The following UNC13C variants were observed in gnomAD, a reference collection of about 807,000 sequenced individuals.
The protein encoded by UNC13C is protein unc-13 homolog C.
Under a neutral mutation model 245.4 loss-of-function variants are expected in UNC13C, and 174 were observed. The observed-to-expected ratio is 0.71, with a 90% CI of 0.63 to 0.80. The LOEUF is 0.80. UNC13C is among the 30% of genes least tolerant of loss of function. The pLI is 0.00. For synonymous variants in UNC13C, 992 were observed against 895.1 expected, an observed-to-expected ratio of 1.11 and a Z score of -1.93; for missense variants, 2,829 against 2,602.9, an observed-to-expected ratio of 1.09 and a Z score of -1.89.
Position 54,264,389 on chromosome 15 carries a change from A to G in UNC13C, c.3670A>G (p.Ile1224Val). ...GTSKWSAKIT[I>V]TVVSAQGLQA... ...ATCTAAGTGGTCTGCAAAAATAACC[A>G]TTACAGGTAAAAATAAGTCTTCTTA... The change falls in exon 9 of 33, where the codon ATT becomes GTT. Residue 1224 changes from isoleucine to valine, a missense_variant. By Grantham distance (29) the Ile-to-Val change is conservative (BLOSUM62 3). Coordinates refer to ENST00000260323, the MANE Select transcript of UNC13C (RefSeq NM_001080534.3). 1 of 1,581,828 alleles carries G rather than the reference A, an allele frequency of 6.3e-7. No homozygotes were observed. Among genetic ancestry groups the G allele is most frequent in the Non-Finnish European group, 8.6e-7 (1 of 1,162,444 alleles).
intron 22 of UNC13C, among the ~76,000 whole-genome samples, chr15:54,506,006 T>G (rs970564466): frequency 2.6e-5 from 4 of 152,144 alleles, no homozygotes; most frequent in African/African-American, 9.7e-5. Context: ...GCTTGCTCTT[T>G]CTTCTTTAGA....
chr15:54,137,965 C>G (rs1043242943), intron 2 of UNC13C, among the ~76,000 whole-genome samples: 1 of 151,724 alleles, frequency 6.6e-6, no homozygotes, highest in East Asian at 1.9e-4. Flanking sequence ...ATCACTGTAT[C>G]CCTCTTAGAA....
intron 17 of UNC13C, among the ~76,000 whole-genome samples, chr15:54,349,376 AT>A (rs1331154429): frequency 6.6e-6 from 1 of 151,800 alleles, no homozygotes; most frequent in Admixed American, 6.6e-5. Flanking sequence ...AACAAGGTAA[AT>A]AAAGTAAAAA....
chr15:54,312,125 A>G (rs1371353888), intron 13 of UNC13C, among the ~76,000 whole-genome samples: 2 of 151,806 alleles, frequency 1.3e-5, no homozygotes, highest in African/African-American at 4.8e-5. Context: ...CCAACCAGAG[A>G]TAACACTATG....
At chr15:54,446,095 A>G (rs1890797278) in intron 19 of UNC13C, among the ~76,000 whole-genome samples, 1 of 152,152 alleles carries the variant, frequency 6.6e-6, no homozygotes, top group Non-Finnish European at 1.5e-5. Context: ...CAGAGATCAG[A>G]TAGTTGTAGA....
the UNC13C span, among the ~76,000 whole-genome samples, chr15:53,842,392 A>G: frequency 1.3e-5 from 2 of 152,176 alleles, no homozygotes; most frequent in African/African-American, 4.8e-5. Context: ...AATTATCTCT[A>G]CTATTCTCAA....
chr15:54,044,325 T>C, intron 2 of UNC13C: 1 of 231,178 alleles, frequency 4.3e-6, no homozygotes, highest in Non-Finnish European at 9.2e-6. Flanking sequence ...CATTCATCCC[T>C]CTATATGCTG....
At chr15:54,613,377 G>A (rs986147304) in intron 30 of UNC13C, among the ~76,000 whole-genome samples, 37 of 151,778 alleles carry the variant, frequency 2.4e-4, no homozygotes, top group Admixed American at 2.4e-3. Context: ...AATATTAATA[G>A]GAGAATGCAT....
chr15:53,951,003 C>T, the UNC13C span, among the ~76,000 whole-genome samples: 15 of 152,212 alleles, frequency 9.9e-5, no homozygotes, highest in Middle Eastern at 6.8e-3. Context: ...GTGATTCTCA[C>T]GGTGAGAAGA....
At chr15:54,350,216 T>A (rs2038951826) in intron 17 of UNC13C, among the ~76,000 whole-genome samples, 3 of 152,166 alleles carry the variant, frequency 2.0e-5, no homozygotes, top group Admixed American at 2.0e-4. Context: ...GGTCTTGATC[T>A]CCTGACCTCG....
At chr15:54,117,158 A>G (rs1466631111) in intron 2 of UNC13C, among the ~76,000 whole-genome samples, 1 of 151,904 alleles carries the variant, frequency 6.6e-6, no homozygotes, top group African/African-American at 2.4e-5. Flanking sequence ...TGAGCTCCTT[A>G]TATATTCTGA....
the UNC13C span, among the ~76,000 whole-genome samples, chr15:53,850,018 T>A: frequency 6.6e-6 from 1 of 152,312 alleles, no homozygotes; most frequent in Admixed American, 6.5e-5. Context: ...TTCTTTTTAG[T>A]GTCATTTTCC....
At chr15:54,101,307 C>T (rs537489438) in intron 2 of UNC13C, among the ~76,000 whole-genome samples, 1 of 152,100 alleles carries the variant, frequency 6.6e-6, no homozygotes, top group Non-Finnish European at 1.5e-5. Flanking sequence ...TTTACTGCCG[C>T]TCTGCTGCTA....
At chr15:53,913,775 C>G in the UNC13C span, 2 of 152,176 alleles carry the variant, frequency 1.3e-5, no homozygotes, top group African/African-American at 4.8e-5. Flanking sequence ...AACCCTAAGC[C>G]TTCATCATTA....
chr15:54,221,553 T>A (rs1024947313), intron 4 of UNC13C, among the ~76,000 whole-genome samples: 4 of 151,908 alleles, frequency 2.6e-5, no homozygotes, highest in African/African-American at 9.7e-5. Flanking sequence ...AATAACTAAC[T>A]AAATAAAAAG....
chr15:54,072,432 G>A (rs546360815), intron 2 of UNC13C, among the ~76,000 whole-genome samples: 141 of 152,260 alleles, frequency 9.3e-4, no homozygotes, highest in African/African-American at 3.3e-3. Flanking sequence ...AGCTGAGGCT[G>A]TCCTTTGCAC....
At position 54,112,934 on chromosome 15, in the gene UNC13C, A is replaced by C. The variant is rs923772595; in HGVS notation, c.2984-30084A>C. On this transcript the variant is annotated intron_variant, in intron 2 of 32. Transcript: ENST00000260323. ...AGAGAGTGAGTTATGCCTTGATCAAACATTATCTTGCATGTAATAGTAGGT... is the reference window on the plus strand; with the variant it reads ...AGAGAGTGAGTTATGCCTTGATCAACCATTATCTTGCATGTAATAGTAGGT... Among the ~76,000 whole-genome samples, 69 of 152,200 alleles carry C rather than the reference A, an allele frequency of 4.5e-4. 1 individual carries two copies. The highest frequency in any genetic ancestry group is 4.4e-5 in the Non-Finnish European group (3 of 68,038).
intron 2 of UNC13C, among the ~76,000 whole-genome samples, chr15:54,101,540 G>A (rs1900162764): frequency 1.3e-5 from 2 of 151,856 alleles, no homozygotes; most frequent in African/African-American, 2.4e-5. Context: ...GTCAAGTGTT[G>A]GAGAGACATG....
intron 10 of UNC13C, among the ~76,000 whole-genome samples, chr15:54,275,065 G>C (rs977803957): frequency 1.3e-5 from 2 of 152,090 alleles, no homozygotes; most frequent in Non-Finnish European, 2.9e-5. Flanking sequence ...CAAGATGATA[G>C]ACTAAAACTT....
Sources: allele counts gnomAD v4.1 joint callset (sites outside exome capture counted in the v4.1 genomes callset), GRCh38; gene constraint gnomAD v4.1.1; transcripts MANE v1.5; gene names NCBI Gene and HGNC (gene_info 2026-07-23, HGNC 2026-07-21).